Variants in AP3B1 observed in about 807,000 individuals in gnomAD.
AP3B1 encodes the protein adaptor related protein complex 3 subunit beta 1, also known as AP-3 complex subunit beta-1.
A neutral mutation model predicts 132.5 loss-of-function variants in AP3B1; 61 were observed. The ratio of observed to expected loss-of-function variants is 0.46; its 90% CI spans 0.37 to 0.57. The LOEUF (loss-of-function observed/expected upper bound fraction) is 0.57. Among genes scored for constraint, AP3B1 ranks in the 20% least tolerant of loss-of-function variants. AP3B1 has a pLI of 0.00. For synonymous variants in AP3B1, 388 were observed against 438.3 expected (o/e 0.89, Z 1.43); for missense variants, 1,120 against 1,289.4 (o/e 0.87, Z 2.01).
chr5:78,089,203 G>GA, intron 22 of AP3B1, 190 bp downstream of exon 22: 2 of 534,462 alleles, frequency 3.7e-6, no homozygotes, highest in South Asian at 2.1e-5. Context: ...GACAACAAGG[G>GA]AAAAAAATTG....
In AP3B1 at chr5:78,002,821, T is replaced by C; in HGVS notation, c.*81A>G. On this transcript the variant is annotated 3_prime_UTR_variant, in exon 27 of 27. Coordinates refer to ENST00000255194, the MANE Select transcript of AP3B1 (RefSeq NM_003664.5). Reference sequence around the variant, plus strand: ...CCCCCACTGCCAGATGGAAGGGCTATTATTATAAATGAAAGGCAGCAGTAG... The same window carrying C: ...CCCCCACTGCCAGATGGAAGGGCTACTATTATAAATGAAAGGCAGCAGTAG... 6.7e-7 allele frequency: 1 copy of C among 1,499,734 alleles called. No homozygotes were observed. The highest frequency in any genetic ancestry group is 9.3e-7 in the Non-Finnish European group (1 of 1,075,996). The allele number at this position is 1,499,734 out of a possible 1,614,324, so 92.9% of individuals were successfully genotyped here. A position where few individuals can be genotyped will look rare whatever the true frequency, so the allele number is the denominator to read the frequency against.
intron 20 of AP3B1, among the ~76,000 whole-genome samples, chr5:78,104,840 G>A (rs551779516): frequency 6.6e-6 from 1 of 152,186 alleles, no homozygotes; most frequent in East Asian, 1.9e-4. Flanking sequence ...CAGTTTCTTT[G>A]CACCTCCCAA....
At chr5:78,109,619 T>A (rs1004723538) in intron 20 of AP3B1, among the ~76,000 whole-genome samples, 1 of 152,180 alleles carries the variant, frequency 6.6e-6, no homozygotes, top group East Asian at 1.9e-4. Flanking sequence ...TTAACTAGAC[T>A]TGAAATCAGA....
At chr5:78,103,307 G>A (rs779365781) in intron 20 of AP3B1, among the ~76,000 whole-genome samples, 2 of 152,128 alleles carry the variant, frequency 1.3e-5, no homozygotes, top group Non-Finnish European at 2.9e-5. Flanking sequence ...CTGGGTAAAT[G>A]CATATAGGAC....
intron 3 of AP3B1, among the ~76,000 whole-genome samples, chr5:78,231,053 G>A (rs1309606613): frequency 3.3e-5 from 5 of 152,012 alleles, no homozygotes; most frequent in African/African-American, 1.2e-4. Flanking sequence ...CCGGGAGGCA[G>A]AGGTTGCAGC....
intron 21 of AP3B1, among the ~76,000 whole-genome samples, chr5:78,097,410 C>T (rs1216817135): frequency 3.8e-5 from 5 of 131,548 alleles, no homozygotes; most frequent in East Asian, 2.4e-4. Flanking sequence ...CCCGGCCAGC[C>T]GCCTCGTCCG....
rs1287028640 is a variant in AP3B1, at chr5:78,002,723, A to T, written c.*179T>A. On this transcript the variant is annotated 3_prime_UTR_variant, in exon 27 of 27. Transcript: ENST00000255194. ...TTTGGTTAGCAAAGCAAAAAGGGGG[A>T]AAGTATTGCATACATGATAGATACA... is the stretch of plus-strand genomic sequence containing the variant. The T allele has an allele frequency of 6.9e-6, 5 of 721,370 alleles. No individual in the cohort carries two copies. Among genetic ancestry groups the T allele is most frequent in the Non-Finnish European group, 1.2e-5 (5 of 421,040 alleles). 44.7% of individuals were successfully genotyped at this position (721,370 alleles called of 1,614,324 possible).
At chr5:78,100,250 G>A (rs1751073203) in intron 21 of AP3B1, among the ~76,000 whole-genome samples, 1 of 152,008 alleles carries the variant, frequency 6.6e-6, no homozygotes, top group Non-Finnish European at 1.5e-5. Context: ...CTCACTCTCA[G>A]CATAGAAAAA....
At chr5:78,124,211 G>A (rs2112289493) in intron 17 of AP3B1, among the ~76,000 whole-genome samples, 1 of 152,282 alleles carries the variant, frequency 6.6e-6, no homozygotes, top group South Asian at 2.1e-4. Flanking sequence ...GGTGGGGCGA[G>A]TGGGGAGGGA....
At chr5:78,117,894 A>C (rs970196787) in intron 17 of AP3B1, among the ~76,000 whole-genome samples, 18 of 152,192 alleles carry the variant, frequency 1.2e-4, no homozygotes, top group Non-Finnish European at 2.1e-4. Flanking sequence ...TATACTTCTG[A>C]AAAGATAAAA....
At chr5:78,042,742 AT>A (rs1748146490) in intron 22 of AP3B1, 1 of 160,268 alleles carries the variant, frequency 6.2e-6, no homozygotes, top group Non-Finnish European at 1.4e-5. Context: ...AGATACTCTT[AT>A]ATCATCATGG....
chr5:78,117,962 C>G (rs1276301865), intron 17 of AP3B1, among the ~76,000 whole-genome samples: 3 of 152,106 alleles, frequency 2.0e-5, no homozygotes, highest in Non-Finnish European at 4.4e-5. Flanking sequence ...CAAGTCTTTG[C>G]TAGAGTACCT....
chr5:78,237,513 A>T (rs1746928650), intron 3 of AP3B1, among the ~76,000 whole-genome samples: 1 of 151,614 alleles, frequency 6.6e-6, no homozygotes, highest in Non-Finnish European at 1.5e-5. Flanking sequence ...ATCTTTTTTT[A>T]AAAGTAGGTT....
At chr5:78,091,277 C>CAAAAAAAAAAAA (rs748473899) in intron 21 of AP3B1, among the ~76,000 whole-genome samples, 1 of 79,492 alleles carries the variant, frequency 1.3e-5, no homozygotes, top group Non-Finnish European at 2.4e-5. Flanking sequence ...ATGTATTTGA[C>CAAAAAAAAAAAA]AAAAAAAAAA....
intron 2 of AP3B1, among the ~76,000 whole-genome samples, chr5:78,247,827 T>C (rs899496214): frequency 6.6e-6 from 1 of 152,200 alleles, no homozygotes; most frequent in Non-Finnish European, 1.5e-5. Context: ...TTACATGTAA[T>C]AGAATTATTA....
chr5:78,256,237 T>C (rs913165921), intron 2 of AP3B1, among the ~76,000 whole-genome samples: 2 of 151,872 alleles, frequency 1.3e-5, no homozygotes, highest in Non-Finnish European at 2.9e-5. Flanking sequence ...CAAAAAGCTT[T>C]TTTTGAAAAG....
intron 19 of AP3B1, among the ~76,000 whole-genome samples, chr5:78,112,196 C>T (rs1025304170): frequency 6.6e-6 from 1 of 151,934 alleles, no homozygotes; most frequent in Non-Finnish European, 1.5e-5. Context: ...TCAATATTTC[C>T]TAGAATTGAT....
intron 3 of AP3B1, 102 bp downstream of exon 3, chr5:78,240,760 T>C (rs979320668): frequency 1.3e-6 from 1 of 791,068 alleles, no homozygotes; most frequent in African/African-American, 1.7e-5. Context: ...ATAACAAAAA[T>C]CTAGTGATAC....
intron 22 of AP3B1, among the ~76,000 whole-genome samples, chr5:78,041,230 C>T (rs957955956): frequency 6.0e-5 from 9 of 150,054 alleles, no homozygotes; most frequent in South Asian, 2.1e-4. Flanking sequence ...GCTGAGATCG[C>T]GCCATTGCAC....
Sources: allele counts gnomAD v4.1 joint callset (sites outside exome capture counted in the v4.1 genomes callset), GRCh38; gene constraint gnomAD v4.1.1; transcripts MANE v1.5; gene names NCBI Gene and HGNC (gene_info 2026-07-23, HGNC 2026-07-21).